Variants in AGBL1 observed in about 807,000 individuals in gnomAD.
AGBL1 encodes cytosolic carboxypeptidase 4.
In AGBL1, 130 loss-of-function variants were observed where a neutral mutation model predicts 118.9. The ratio of observed to expected loss-of-function variants is 1.09; its 90% confidence interval spans 0.95 to 1.26. The LOEUF (loss-of-function observed/expected upper bound fraction) is 1.26, where lower values mean the gene tolerates loss of function less well. Among genes scored for constraint, AGBL1 ranks in the 50% most tolerant of loss-of-function variants. The pLI, the probability that AGBL1 is intolerant of heterozygous loss-of-function variation, is 0.00. For missense variants in AGBL1, 1,584 were observed against 1,298.1 expected (o/e 1.22, Z -3.38); for synonymous variants, 555 against 478.9 (o/e 1.16, Z -2.08).
chr15:86,552,317 A>AT (rs1304044689), intron 20 of AGBL1, among the ~76,000 whole-genome samples: 6 of 152,162 alleles, frequency 3.9e-5, no homozygotes, highest in Middle Eastern at 3.4e-3. Flanking sequence ...AAGCCTTTTT[A>AT]TTTTTTTTAA....
chr15:86,329,659 C>A (rs947612828), intron 17 of AGBL1, among the ~76,000 whole-genome samples: 4 of 151,976 alleles, frequency 2.6e-5, no homozygotes, highest in Non-Finnish European at 5.9e-5. Flanking sequence ...CCTCTGCATT[C>A]CAAGCCAAGA....
rs1490922963 is a variant in AGBL1, at chr15:86,397,481, C to G, written c.2490C>G (p.Leu830=). The change falls in exon 18 of 23, where the codon CTC becomes CTG. Residue 830 remains leucine (L), a synonymous_variant. Transcript: ENST00000614907. The part of the protein sequence containing the change: ...FLVSSDPVAR[L]LRENFIFKII... ...TCAGCAGTGACCCTGTGGCTAGGCT[C>G]TTGAGGGAAAACTTCATCTTCAAGA... 2 of 1,613,062 alleles carry G rather than the reference C, an allele frequency of 1.2e-6. No homozygotes were observed. Among genetic ancestry groups the G allele is most frequent in the African/African-American group, 1.3e-5 (1 of 74,966 alleles).
intron 24 of AGBL1, among the ~76,000 whole-genome samples, chr15:87,003,836 T>C (rs942808121): frequency 6.6e-6 from 1 of 152,188 alleles, no homozygotes; most frequent in African/African-American, 2.4e-5. Flanking sequence ...CGCTTTATCA[T>C]TTTTTATTGC....
chr15:86,566,394 T>G (rs1412191869), intron 21 of AGBL1, among the ~76,000 whole-genome samples: 2 of 152,212 alleles, frequency 1.3e-5, no homozygotes, highest in African/African-American at 4.8e-5. Context: ...CTTTTCATTT[T>G]ATTCTTGCTG....
intron 24 of AGBL1, among the ~76,000 whole-genome samples, chr15:87,007,261 A>C (rs1294788794): frequency 6.6e-6 from 1 of 152,200 alleles, no homozygotes; most frequent in Non-Finnish European, 1.5e-5. Flanking sequence ...ACCATAATGC[A>C]GCTGAAATAC....
At chr15:86,151,423 A>G (rs2077108870) in intron 3 of AGBL1, among the ~76,000 whole-genome samples, 1 of 152,236 alleles carries the variant, frequency 6.6e-6, no homozygotes, top group South Asian at 2.1e-4. Context: ...AGCAAAGACA[A>G]AAACCACATG....
At chr15:86,838,180 TA>T (rs36126026) in intron 22 of AGBL1, among the ~76,000 whole-genome samples, 260 of 145,694 alleles carry the variant, frequency 1.8e-3, no homozygotes, top group Middle Eastern at 3.5e-3. Context: ...CTCTGTAACC[TA>T]AAAAAAAAAA....
chr15:86,795,822 G>A (rs1056760951), intron 22 of AGBL1, among the ~76,000 whole-genome samples: 2 of 151,290 alleles, frequency 1.3e-5, no homozygotes, highest in South Asian at 2.1e-4. Context: ...CTGACCTCAG[G>A]TGATCCACCC....
At chr15:86,554,733 G>A (rs1050379006) in intron 21 of AGBL1, among the ~76,000 whole-genome samples, 196 bp downstream of exon 21, 7 of 152,136 alleles carry the variant, frequency 4.6e-5, no homozygotes, top group Admixed American at 2.6e-4. Flanking sequence ...GAAGCAATGC[G>A]TGCATGCTTT....
intron 19 of AGBL1, among the ~76,000 whole-genome samples, chr15:86,535,875 A>T (rs1280639338): frequency 6.6e-6 from 1 of 152,206 alleles, no homozygotes; most frequent in African/African-American, 2.4e-5. Flanking sequence ...TTTCCACTTT[A>T]TTCCTTAGCA....
intron 7 of AGBL1, among the ~76,000 whole-genome samples, chr15:86,251,704 A>G (rs957665666): frequency 8.5e-5 from 13 of 152,102 alleles, no homozygotes; most frequent in Non-Finnish European, 1.9e-4. Flanking sequence ...ATCCCCTAAA[A>G]GTTCAAAGGC....
chr15:86,283,804 G>T (rs1192421766), intron 16 of AGBL1, among the ~76,000 whole-genome samples: 1 of 152,110 alleles, frequency 6.6e-6, no homozygotes, highest in Non-Finnish European at 1.5e-5. Context: ...GCCAATATGT[G>T]CATGAATGGT....
intron 21 of AGBL1, among the ~76,000 whole-genome samples, chr15:86,577,075 A>G (rs900309974): frequency 3.3e-5 from 5 of 152,194 alleles, no homozygotes; most frequent in Non-Finnish European, 7.4e-5. Context: ...AGGGGTTGGA[A>G]CATTTTGGAG....
chr15:86,169,498 G>A (rs910088893), intron 5 of AGBL1, among the ~76,000 whole-genome samples: 25 of 152,176 alleles, frequency 1.6e-4, no homozygotes, highest in Non-Finnish European at 2.9e-4. Flanking sequence ...TATTCATAGA[G>A]GATAGGTTAC....
chr15:86,737,230 A>G (rs1199258070), intron 22 of AGBL1, among the ~76,000 whole-genome samples: 1 of 152,134 alleles, frequency 6.6e-6, no homozygotes, highest in African/African-American at 2.4e-5. Context: ...GGGAAGTAGT[A>G]GGGCCTGGAA....
rs190909059 is a variant in AGBL1 at position 86,583,002 on chromosome 15, A to C, written c.2994+28465A>C. 1.6e-3 allele frequency among the ~76,000 whole-genome samples: 250 copies of C among 152,292 alleles called. 2 individuals carry two copies. The highest frequency in any genetic ancestry group is 5.5e-3 in the African/African-American group (229 of 41,550). ...ATTGTGCACACATACCCTAAAACTTAAAGTATAATAACAATAAAAAAAAGT... is the reference window on the plus strand; with the variant it reads ...ATTGTGCACACATACCCTAAAACTTCAAGTATAATAACAATAAAAAAAAGT... On this transcript the variant is annotated intron_variant, in intron 21 of 22. Coordinates refer to ENST00000614907, the MANE Select transcript of AGBL1 (RefSeq NM_001386094.1).
chr15:86,455,680 G>C (rs371112507), intron 18 of AGBL1, among the ~76,000 whole-genome samples: 3 of 152,054 alleles, frequency 2.0e-5, no homozygotes, highest in African/African-American at 7.2e-5. Flanking sequence ...ACCACACACT[G>C]TTCTAAGTGC....
chr15:86,806,310 G>C (rs1195239863), intron 22 of AGBL1, among the ~76,000 whole-genome samples: 7 of 152,274 alleles, frequency 4.6e-5, no homozygotes, highest in African/African-American at 1.7e-4. Flanking sequence ...TAAGCAGATT[G>C]AGAGGGTGCA....
rs535804771 is a variant in AGBL1, at chr15:86,992,536, C to G, written c.3323+4448C>G. On this transcript the variant is annotated intron_variant, in intron 24 of 24. Coordinates refer to the AGBL1 transcript ENST00000441037. ...CTCAGTGACCAGCTATTTGCTGGAA[C>G]CAGAATCCCTTCCTAATTGCAGTCT... Among the ~76,000 whole-genome samples, 4 of 152,192 alleles carry G rather than the reference C, an allele frequency of 2.6e-5. No homozygotes were observed. In the South Asian group the frequency reaches 8.3e-4, roughly 32 times the overall value.
Sources: gnomAD v4.1 joint callset for allele counts (sites outside exome capture counted in the v4.1 genomes callset) on GRCh38, gnomAD v4.1.1 for gene constraint, MANE v1.5 for transcripts, NCBI Gene and HGNC (gene_info 2026-07-23, HGNC 2026-07-21) for gene names.